Variants in ADAMTS3 observed in about 807,000 individuals in gnomAD.
ADAMTS3 encodes the protein ADAM metallopeptidase with thrombospondin type 1 motif 3.
Under a neutral mutation model 129.0 loss-of-function variants are expected in ADAMTS3, and 73 were observed. The observed-to-expected ratio is 0.57, with a 90% CI of 0.47 to 0.69. The LOEUF is 0.69. Among genes scored for constraint, ADAMTS3 ranks in the 30% least tolerant of loss-of-function variants. The pLI is 0.00. For missense variants in ADAMTS3, 1,457 were observed against 1,514.5 expected (o/e 0.96, Z 0.63); for synonymous variants, 477 against 510.8 (o/e 0.93, Z 0.89).
At chr4:72,544,281 T>C (rs1306916188) in intron 3 of ADAMTS3, among the ~76,000 whole-genome samples, 2 of 152,166 alleles carry the variant, frequency 1.3e-5, no homozygotes, top group Non-Finnish European at 2.9e-5. Flanking sequence ...ACCCCTTTTT[T>C]TCTTTGCAAT....
chr4:72,357,085 A>C (rs1239410020), intron 4 of ADAMTS3, among the ~76,000 whole-genome samples: 1 of 152,012 alleles, frequency 6.6e-6, no homozygotes, highest in Admixed American at 6.6e-5. Flanking sequence ...ACCAGATTAA[A>C]CATACCCACT....
chr4:72,372,165 G>T (rs1721025791), intron 4 of ADAMTS3, among the ~76,000 whole-genome samples: 1 of 151,868 alleles, frequency 6.6e-6, no homozygotes, highest in African/African-American at 2.4e-5. Context: ...AAGAAGAACG[G>T]ATCAATATCA....
intron 4 of ADAMTS3, among the ~76,000 whole-genome samples, chr4:72,387,727 T>G (rs1354112894): frequency 6.6e-6 from 1 of 152,150 alleles, no homozygotes; most frequent in Non-Finnish European, 1.5e-5. Flanking sequence ...CTCTTCAAAA[T>G]TGACTTGAAT....
Position 72,281,198 on chromosome 4 carries a change from T to C in ADAMTS3, c.*1938A>G, listed in dbSNP as rs528268605. The C allele has an allele frequency of 6.6e-6, 1 of 152,366 alleles. No homozygotes were observed. Among genetic ancestry groups the C allele is most frequent in the South Asian group, 2.1e-4 (1 of 4,820 alleles). 9.4% of individuals were successfully genotyped at this position (152,366 alleles called of 1,614,324 possible). A position where few individuals can be genotyped will look rare whatever the true frequency, so the allele number is the denominator to read the frequency against. On this transcript the variant is annotated 3_prime_UTR_variant, in exon 22 of 22. Transcript: ENST00000286657. ...GTAAACTAGAGAGAATTTTATTCTATGGGAATTTTTAGGAAAAAAAAAAGA... is the reference window on the plus strand; with the variant it reads ...GTAAACTAGAGAGAATTTTATTCTACGGGAATTTTTAGGAAAAAAAAAAGA...
At chr4:72,515,620 T>A in intron 3 of ADAMTS3, among the ~76,000 whole-genome samples, 1 of 151,714 alleles carries the variant, frequency 6.6e-6, no homozygotes, top group Non-Finnish European at 1.5e-5. Flanking sequence ...GTCTTTTGGC[T>A]GCATAAATGT....
intron 6 of ADAMTS3, 86 bp downstream of exon 6, chr4:72,322,928 T>G (rs1372337268): frequency 1.3e-5 from 14 of 1,063,316 alleles, no homozygotes; most frequent in Non-Finnish European, 1.9e-5. Context: ...ATCTATGCCT[T>G]AAGTTAGATG....
chr4:72,557,772 AG>A (rs1392364089), intron 2 of ADAMTS3, among the ~76,000 whole-genome samples: 10 of 151,970 alleles, frequency 6.6e-5, no homozygotes, highest in Admixed American at 6.5e-4. Context: ...AAAAAGAAAA[AG>A]CATGCTTTGA....
rs1249311938 is a variant in ADAMTS3, at chr4:72,320,800, T to A, written c.1016A>T (p.Gln339Leu). 3 of 1,613,924 alleles carry A rather than the reference T, an allele frequency of 1.9e-6. No homozygotes were observed. The East Asian group carries it at 6.7e-5, about 36-fold the overall frequency. The change falls in exon 7 of 22, where the codon CAG becomes CTG. Residue 339 changes from glutamine (Q) to leucine (L), a missense_variant. Transcript: ENST00000286657. ...AGAGTGGTTGAGATCAGATCTTTGC[T>A]GTTGGGACGCCCAGCGACACACATT... ...LENVCRWASQQQRSDLNHSEH... is the reference protein window; with the variant it reads ...LENVCRWASQLQRSDLNHSEH...
At chr4:72,298,537 A>G (rs1443102063) in intron 17 of ADAMTS3, 95 bp from the exon 18 acceptor site, 1 of 991,356 alleles carries the variant, frequency 1.0e-6, no homozygotes, top group Non-Finnish European at 1.4e-6. Flanking sequence ...TCTTATTAAA[A>G]CTGAAAACTT....
At chr4:72,412,644 G>C (rs1722210530) in intron 4 of ADAMTS3, among the ~76,000 whole-genome samples, 1 of 151,920 alleles carries the variant, frequency 6.6e-6, no homozygotes, top group African/African-American at 2.4e-5. Flanking sequence ...TAAATAAGAA[G>C]GTGAAGATCA....
At chr4:72,303,200 C>A (rs1718996591) in intron 17 of ADAMTS3, among the ~76,000 whole-genome samples, 1 of 152,130 alleles carries the variant, frequency 6.6e-6, no homozygotes, top group Non-Finnish European at 1.5e-5. Context: ...CCTCAGATTC[C>A]CCTCTTTCTC....
intron 4 of ADAMTS3, among the ~76,000 whole-genome samples, chr4:72,390,617 G>A (rs746421087): frequency 2.6e-5 from 4 of 152,024 alleles, no homozygotes; most frequent in Non-Finnish European, 5.9e-5. Context: ...GATTACTCAT[G>A]ACTTTGGCAA....
chr4:72,535,789 C>T (rs558226211), intron 3 of ADAMTS3, among the ~76,000 whole-genome samples: 1 of 151,836 alleles, frequency 6.6e-6, no homozygotes, highest in African/African-American at 2.4e-5. Context: ...AACACCATCA[C>T]TTAAAAAAAA....
At chr4:72,465,255 T>C (rs1412450830) in intron 3 of ADAMTS3, among the ~76,000 whole-genome samples, 3 of 151,850 alleles carry the variant, frequency 2.0e-5, no homozygotes, top group East Asian at 1.9e-4. Flanking sequence ...AGGAGCCAAC[T>C]ATGTAGGAGG....
intron 16 of ADAMTS3, 77 bp from the exon 17 acceptor site, chr4:72,304,157 T>TC: frequency 7.3e-7 from 1 of 1,362,824 alleles, no homozygotes; most frequent in South Asian, 1.3e-5. Context: ...AGCAAGTATA[T>TC]CCTTTCTACA....
At chr4:72,456,322 A>G (rs112633688) in intron 3 of ADAMTS3, among the ~76,000 whole-genome samples, 21 of 19,918 alleles carry the variant, frequency 1.1e-3, no homozygotes, top group Non-Finnish European at 1.3e-3. Flanking sequence ...TATATTTTAT[A>G]TATAGTATAT....
At position 72,312,421 on chromosome 4, in the gene ADAMTS3, G is replaced by T; in HGVS notation, c.1791C>A (p.Tyr597Ter). ...GQDCPGVNFE[Y>*]QLCNTEECQK... ...GGCATTCTTCTGTGTTACAAAGCTG[G>T]TACTCAAAATTAACACCAGGACAAT... is the stretch of plus-strand genomic sequence containing the variant. The change falls in exon 13 of 22, where the codon TAC (tyrosine) becomes TAA (stop). Residue 597 changes from tyrosine (Y) to a stop codon, truncating the protein, a stop_gained. Coordinates refer to ENST00000286657, the MANE Select transcript of ADAMTS3 (RefSeq NM_014243.3). LOFTEE classifies it high-confidence loss of function. The T allele has an allele frequency of 6.2e-7, 1 of 1,613,578 alleles. No homozygotes were observed.
At chr4:72,427,311 C>T (rs769643266) in intron 3 of ADAMTS3, among the ~76,000 whole-genome samples, 1 of 152,080 alleles carries the variant, frequency 6.6e-6, no homozygotes, top group African/African-American at 2.4e-5. Flanking sequence ...CAAGAACTTC[C>T]TACTTGAGGT....
chr4:72,530,553 T>C (rs1304267964), intron 3 of ADAMTS3, among the ~76,000 whole-genome samples: 8 of 81,092 alleles, frequency 9.9e-5, no homozygotes, highest in Non-Finnish European at 2.1e-5. Flanking sequence ...ATTTAAAATA[T>C]ATTGATTTAA....
Sources: allele counts gnomAD v4.1 joint callset (sites outside exome capture counted in the v4.1 genomes callset), GRCh38; gene constraint gnomAD v4.1.1; transcripts MANE v1.5; gene names NCBI Gene and HGNC (gene_info 2026-07-23, HGNC 2026-07-21).